Variants in SNTG1 observed in about 807,000 individuals in gnomAD.
The protein encoded by SNTG1 is syntrophin gamma 1.
SNTG1 carries 39 observed loss-of-function variants against 74.7 expected under a neutral mutation model. The observed-to-expected ratio is 0.52, with a 90% CI of 0.40 to 0.68. The LOEUF (loss-of-function observed/expected upper bound fraction) is 0.68. Among genes scored for constraint, SNTG1 ranks in the 30% least tolerant of loss-of-function variants. The pLI, the probability that SNTG1 is intolerant of heterozygous loss-of-function variation, is 0.00. For missense variants in SNTG1, 685 were observed against 609.5 expected (o/e 1.12, Z -1.30); for synonymous variants, 254 against 217.1 (o/e 1.17, Z -1.49).
rs577610348 is a variant in SNTG1 at position 50,372,309 on chromosome 8, T to A, written c.-27-21903T>A. Among the ~76,000 whole-genome samples the A allele has an allele frequency of 3.6e-4, 55 of 151,976 alleles. No individual in the cohort carries two copies. The South Asian group carries it at 0.011, about 30-fold the overall frequency. On this transcript the variant is annotated intron_variant, in intron 2 of 18. Coordinates refer to ENST00000642720, the MANE Select transcript of SNTG1 (RefSeq NM_018967.5). ...TTATTTTTTTTCGGGTTACCATGGATCTAACATAAAATATCTTATATAATA... is the reference window on the plus strand; with the variant it reads ...TTATTTTTTTTCGGGTTACCATGGAACTAACATAAAATATCTTATATAATA...
At chr8:49,930,718 CAA>C (rs1807501162) in intron 1 of SNTG1, among the ~76,000 whole-genome samples, 1 of 151,954 alleles carries the variant, frequency 6.6e-6, no homozygotes, top group Non-Finnish European at 1.5e-5. Flanking sequence ...ACATTAACGA[CAA>C]TAACTGACAA....
intron 9 of SNTG1, among the ~76,000 whole-genome samples, chr8:50,505,289 A>G (rs556440209): frequency 1.3e-5 from 2 of 152,310 alleles, no homozygotes; most frequent in East Asian, 1.9e-4. Context: ...TAATGCTACA[A>G]TGAACATGAG....
intron 2 of SNTG1, among the ~76,000 whole-genome samples, chr8:50,382,658 G>A (rs140330688): frequency 6.6e-6 from 1 of 151,962 alleles, no homozygotes; most frequent in Non-Finnish European, 1.5e-5. Context: ...TTTTAAAAAA[G>A]AAATATGCTC....
Position 50,120,874 on chromosome 8 carries a change from T to G in SNTG1, c.-102-51687T>G, listed in dbSNP as rs972560076. Reference sequence around the variant, plus strand: ...TGGTAGATATTAAATGAACAAGTCATGTAGCCGTGGAATGAGTGCAGTTTT... The same window carrying G: ...TGGTAGATATTAAATGAACAAGTCAGGTAGCCGTGGAATGAGTGCAGTTTT... On this transcript the variant is annotated intron_variant, in intron 1 of 18. Transcript: ENST00000642720. 4.2e-5 allele frequency among the ~76,000 whole-genome samples: 6 copies of G among 142,104 alleles called. 2 individuals carry two copies. The highest frequency in any genetic ancestry group is 6.3e-5 in the Non-Finnish European group (4 of 63,852). 93.2% of individuals were successfully genotyped at this position (142,104 alleles called of 152,430 possible).
chr8:49,942,402 A>G (rs1339061697), intron 1 of SNTG1, among the ~76,000 whole-genome samples: 1 of 152,172 alleles, frequency 6.6e-6, no homozygotes, highest in Admixed American at 6.5e-5. Flanking sequence ...CCCCATATGA[A>G]GTTTCTTTTA....
At chr8:50,484,615 T>G (rs1357749732) in intron 8 of SNTG1, among the ~76,000 whole-genome samples, 1 of 151,596 alleles carries the variant, frequency 6.6e-6, no homozygotes, top group Non-Finnish European at 1.5e-5. Flanking sequence ...ATCCTAGCAC[T>G]TTGGGAGGCC....
chr8:50,053,623 T>TTGTGTGTGTG (rs60947505), intron 1 of SNTG1, among the ~76,000 whole-genome samples: 53,237 of 133,788 alleles, frequency 0.4, 11,917 homozygotes, highest in East Asian at 0.66. Context: ...ATATATATAA[T>TTGTGTGTGTG]TGTGTGTGTG....
chr8:50,630,699 A>G (rs1365242013), intron 13 of SNTG1, among the ~76,000 whole-genome samples: 4 of 152,182 alleles, frequency 2.6e-5, no homozygotes, highest in African/African-American at 9.7e-5. Context: ...ATGTGATGAG[A>G]ACTGATGGAA....
At chr8:49,919,827 C>T (rs1392984468) in intron 1 of SNTG1, among the ~76,000 whole-genome samples, 1 of 151,962 alleles carries the variant, frequency 6.6e-6, no homozygotes, top group Non-Finnish European at 1.5e-5. Context: ...TAGACTATTT[C>T]CCTTTTGTTT....
chr8:50,301,429 A>G (rs984608301), intron 2 of SNTG1, among the ~76,000 whole-genome samples: 1 of 152,178 alleles, frequency 6.6e-6, no homozygotes, highest in African/African-American at 2.4e-5. Flanking sequence ...TATGATGTCT[A>G]TCTCTTTATT....
rs144330301 is a variant in SNTG1, at chr8:50,773,912, T to G, written c.1396-18759T>G. Among the ~76,000 whole-genome samples the G allele has an allele frequency of 8.8e-4, 134 of 152,128 alleles. No homozygotes were observed. In the East Asian group the frequency reaches 0.017, roughly 20 times the overall value. On this transcript the variant is annotated intron_variant, in intron 18 of 18. Transcript: ENST00000642720. ...AATGTTAATGAAAGGATAGAAGTAA[T>G]GAAAAGAATCAAATAAAATTTTCAG...
chr8:50,438,677 A>G, intron 5 of SNTG1, 78 bp downstream of exon 5: 1 of 1,224,132 alleles, frequency 8.2e-7, no homozygotes, highest in Non-Finnish European at 1.2e-6. Flanking sequence ...ATGTTTGCTG[A>G]TTAATAATTA....
chr8:50,693,145 C>A (rs188111555), intron 15 of SNTG1, among the ~76,000 whole-genome samples: 1 of 152,102 alleles, frequency 6.6e-6, no homozygotes, highest in Non-Finnish European at 1.5e-5. Flanking sequence ...TTCCAGGTGC[C>A]GTCTGTCACC....
chr8:49,981,886 A>G (rs1466191857), intron 1 of SNTG1, among the ~76,000 whole-genome samples: 1 of 152,178 alleles, frequency 6.6e-6, no homozygotes, highest in Non-Finnish European at 1.5e-5. Flanking sequence ...GAAATAAAAA[A>G]TATTTTAAAA....
rs149096771 is a variant in SNTG1 at position 50,282,731 on chromosome 8, A to C, written c.-28+110096A>C. Among the ~76,000 whole-genome samples the C allele has an allele frequency of 5.0e-3, 758 of 152,176 alleles. 10 individuals are homozygous for C. The highest frequency in any genetic ancestry group is 0.017 in the African/African-American group (721 of 41,532). Reference sequence around the variant, plus strand: ...CAGTGAGCTGAGATCGTGCCACTGCACTCCAGCCTGGGTGACAGAAGAGAC... The same window carrying C: ...CAGTGAGCTGAGATCGTGCCACTGCCCTCCAGCCTGGGTGACAGAAGAGAC... On this transcript the variant is annotated intron_variant, in intron 2 of 18. Transcript: ENST00000642720.
Position 50,072,983 on chromosome 8 carries a change from C to T in SNTG1, c.-102-99578C>T, listed in dbSNP as rs375920980. ...TTTATACCAGTGGAGGGTCAGGCCT[C>T]CATATTGATGGCTGCTGACTAGTCA... On this transcript the variant is annotated intron_variant, in intron 1 of 18. Transcript: ENST00000642720. 1.3e-3 allele frequency among the ~76,000 whole-genome samples: 203 copies of T among 152,252 alleles called. 2 individuals are homozygous for T. The South Asian group carries it at 0.022, about 17-fold the overall frequency.
At chr8:50,003,457 T>C (rs946178826) in intron 1 of SNTG1, among the ~76,000 whole-genome samples, 2 of 152,296 alleles carry the variant, frequency 1.3e-5, no homozygotes, top group Non-Finnish European at 2.9e-5. Context: ...TGATCACTTT[T>C]AATTAAATTC....
At chr8:50,259,217 A>G (rs558298665) in intron 2 of SNTG1, among the ~76,000 whole-genome samples, 1 of 152,186 alleles carries the variant, frequency 6.6e-6, no homozygotes, top group South Asian at 2.1e-4. Context: ...TAAAGGAGAA[A>G]ATCAGTCACA....
Position 50,640,022 on chromosome 8 carries a change from AT to A in SNTG1, c.850-16883del, listed in dbSNP as rs2095062602. On this transcript the variant is annotated intron_variant, in intron 13 of 18. Transcript: ENST00000642720. ...TCATTGTGGATTTAAACACATTCTA[AT>A]TTTACCACCAAAAAAGAATTTGACA... Among the ~76,000 whole-genome samples, 3 of 152,106 alleles carry A rather than the reference AT, an allele frequency of 2.0e-5. No individual in the cohort carries two copies. The South Asian group carries it at 6.2e-4, about 31-fold the overall frequency.
Sources: allele counts gnomAD v4.1 joint callset (sites outside exome capture counted in the v4.1 genomes callset), GRCh38; gene constraint gnomAD v4.1.1; transcripts MANE v1.5; gene names NCBI Gene and HGNC (gene_info 2026-07-23, HGNC 2026-07-21).